PLEKHM2: variants seen among roughly 807,000 people sequenced by gnomAD.
The protein encoded by PLEKHM2 is pleckstrin homology and RUN domain containing M2.
In PLEKHM2, 77 loss-of-function variants were observed where a neutral mutation model predicts 116.3. The ratio of observed to expected loss-of-function variants is 0.66; its 90% confidence interval spans 0.55 to 0.80. The LOEUF is 0.80. Among genes scored for constraint, PLEKHM2 ranks in the 30% least tolerant of loss-of-function variants. The pLI is 0.00. For missense variants in PLEKHM2, 1,183 were observed against 1,354.9 expected (o/e 0.87, Z 1.99); for synonymous variants, 562 against 571.0 (o/e 0.98, Z 0.22).
Position 15,731,965 on chromosome 1 carries a change from C to G in PLEKHM2, c.2542C>G (p.Arg848Gly). 1 of 1,612,154 alleles carries G rather than the reference C, an allele frequency of 6.2e-7. No individual in the cohort carries two copies. Among genetic ancestry groups the G allele is most frequent in the South Asian group, 1.1e-5 (1 of 91,014 alleles). ...CGCCTTCCAGGTCATTCTCTCCGACCGGCCCTGCCTGGAGCTAAGTGCCGA... is the reference window on the plus strand; with the variant it reads ...CGCCTTCCAGGTCATTCTCTCCGACGGGCCCTGCCTGGAGCTAAGTGCCGA... ...PHAFQVILSD[R>G]PCLELSAESE... The change falls in exon 17 of 20, where the codon CGG becomes GGG. Residue 848 changes from arginine (R) to glycine (G), a missense_variant. By Grantham distance (125) the Arg-to-Gly change is moderately radical. Around this residue, in one of 3 missense-constraint regions of PLEKHM2, gnomAD observed 594 missense variants for 720.1 expected, o/e 0.82. Coordinates refer to ENST00000375799, the MANE Select transcript of PLEKHM2 (RefSeq NM_015164.4).
At chr1:15,701,530 C>A (rs1424620208) in intron 1 of PLEKHM2, among the ~76,000 whole-genome samples, 1 of 152,166 alleles carries the variant, frequency 6.6e-6, no homozygotes, top group East Asian at 1.9e-4. Flanking sequence ...TGGCTCACGC[C>A]TGTAATCCCA....
chr1:15,734,050 C>A lies in PLEKHM2; in HGVS notation c.*116C>A. ...GCCTACAGTCCACCCCTGCCCTGGG[C>A]GGCAGAACCACCGAGTGTGGCTTAA... On this transcript the variant is annotated 3_prime_UTR_variant, in exon 20 of 20. Transcript: ENST00000375799. 1 of 1,186,772 alleles carries A rather than the reference C, an allele frequency of 8.4e-7. No homozygotes were observed. The highest frequency in any genetic ancestry group is 1.2e-6 in the Non-Finnish European group (1 of 867,996). 73.5% of individuals were successfully genotyped at this position (1,186,772 alleles called of 1,614,324 possible). A position where few individuals can be genotyped will look rare whatever the true frequency, so the allele number is the denominator to read the frequency against.
chr1:15,725,065 A>G (rs2068044261), intron 7 of PLEKHM2, among the ~76,000 whole-genome samples: 1 of 152,012 alleles, frequency 6.6e-6, no homozygotes, highest in South Asian at 2.1e-4. Context: ...CTTAACACAA[A>G]CTCAGCCAAA....
intron 6 of PLEKHM2, 117 bp downstream of exon 6, chr1:15,720,037 A>G: frequency 1.3e-6 from 1 of 783,170 alleles, no homozygotes; most frequent in Non-Finnish European, 2.0e-6. Flanking sequence ...TGAAATTTGC[A>G]ATTAAACAGG....
chr1:15,701,665 C>T (rs1641116196), intron 1 of PLEKHM2, among the ~76,000 whole-genome samples: 1 of 151,822 alleles, frequency 6.6e-6, no homozygotes, highest in Non-Finnish European at 1.5e-5. Flanking sequence ...GTGGCGGGCG[C>T]CTGTAGTCCC....
At chr1:15,683,452 G>T (rs756910995), upstream of PLEKHM2, among the ~76,000 whole-genome samples, 62 of 151,742 alleles carry the variant, frequency 4.1e-4, no homozygotes, top group Non-Finnish European at 1.2e-4. Flanking sequence ...GGGCCGGCGG[G>T]AGGGGGCCCA....
intron 7 of PLEKHM2, among the ~76,000 whole-genome samples, chr1:15,723,678 G>A (rs1175842822): frequency 6.6e-6 from 1 of 150,466 alleles, no homozygotes; most frequent in South Asian, 2.1e-4. Flanking sequence ...CCAGGAGGTC[G>A]AGGCTACAGT....
chr1:15,716,217 G>GGT lies in PLEKHM2; in HGVS notation c.61-17_61-16dup, dbSNP rs1571050078. ...CCTCTTAATCCATTTCTGATTTGGA[G>GGT]GTGTTTTTTTTTCTTTCAGTTGCAG... On this transcript the variant is annotated intron_variant, in intron 1 of 19. Transcript: ENST00000375799. 8 of 1,373,772 alleles carry GGT rather than the reference G, an allele frequency of 5.8e-6. No individual in the cohort carries two copies. The highest frequency in any genetic ancestry group is 8.1e-6 in the Non-Finnish European group (8 of 993,378). The allele number at this position is 1,373,772 out of a possible 1,614,324, so 85.1% of individuals were successfully genotyped here. A position where few individuals can be genotyped will look rare whatever the true frequency, so the allele number is the denominator to read the frequency against.
intron 19 of PLEKHM2, 72 bp downstream of exon 19, chr1:15,732,800 C>A: frequency 2.0e-6 from 2 of 1,020,050 alleles, no homozygotes; most frequent in Non-Finnish European, 2.9e-6. Flanking sequence ...GGGAGAGGAA[C>A]CCCTGCTGCT....
chr1:15,721,774 C>T lies in PLEKHM2; in HGVS notation c.712+386C>T, dbSNP rs150189069. On this transcript the variant is annotated intron_variant, in intron 7 of 19. Transcript: ENST00000375799. The surrounding 1 kb of genome is among the most constrained non-coding windows in gnomAD (Gnocchi z 5.1). ...TAAACATGCGGGTTGTAAGCTCCTG[C>T]GGGTCAGATGAGCATCGAAGAGAAA... 2.0e-5 allele frequency among the ~76,000 whole-genome samples: 3 copies of T among 152,290 alleles called. No individual in the cohort carries two copies. The highest frequency in any genetic ancestry group is 6.5e-5 in the Admixed American group (1 of 15,306).
At chr1:15,684,842 G>A (rs1039578201) in intron 1 of PLEKHM2, among the ~76,000 whole-genome samples, 1 of 151,920 alleles carries the variant, frequency 6.6e-6, no homozygotes, top group South Asian at 2.1e-4. Context: ...CAGCATCCTC[G>A]GAGCTTCCCC....
chr1:15,723,021 G>A (rs2068015710), intron 7 of PLEKHM2: 1 of 152,142 alleles, frequency 6.6e-6, no homozygotes, highest in South Asian at 2.1e-4. Flanking sequence ...GGATTCCTGA[G>A]CTCACTCTGG....
chr1:15,729,754 C>T lies in PLEKHM2; in HGVS notation c.2076-43C>T. ...AGACTAAGCCCTGTCCAGTTGAGGC[C>T]CTGTTCCCAGGCCTCTAACCACAAA... On this transcript the variant is annotated intron_variant, in intron 13 of 19. Transcript: ENST00000375799. This position sits in a 1 kb window ranked among gnomAD's most constrained non-coding sequence, Gnocchi z 4.7. 3 of 1,572,326 alleles carry T rather than the reference C, an allele frequency of 1.9e-6. No homozygotes were observed. The highest frequency in any genetic ancestry group is 2.2e-5 in the East Asian group (1 of 44,600).
In PLEKHM2 at chr1:15,721,037, C is replaced by A; in HGVS notation, c.653-292C>A. ...GGCACGTAAGAGGTAGAAAACAAAG[C>A]TAGGCACAGGCAGCCAGGCTTCTCT... On this transcript the variant is annotated intron_variant, in intron 6 of 19. Coordinates refer to ENST00000375799, the MANE Select transcript of PLEKHM2 (RefSeq NM_015164.4). This position sits in a 1 kb window ranked among gnomAD's most constrained non-coding sequence, Gnocchi z 5.1. 2.7e-6 allele frequency: 1 copy of A among 374,066 alleles called. No homozygotes were observed. Among genetic ancestry groups the A allele is most frequent in the Non-Finnish European group, 4.8e-6 (1 of 208,016 alleles). The allele number at this position is 374,066 out of a possible 1,614,324, so 23.2% of individuals were successfully genotyped here. A position where few individuals can be genotyped will look rare whatever the true frequency, so the allele number is the denominator to read the frequency against.
intron 8 of PLEKHM2, 172 bp downstream of exon 8, chr1:15,725,717 C>A: frequency 1.7e-6 from 1 of 604,300 alleles, no homozygotes; most frequent in Non-Finnish European, 2.9e-6. Flanking sequence ...GAAGTGGAGG[C>A]CTGTCCTAGT....
intron 1 of PLEKHM2, among the ~76,000 whole-genome samples, chr1:15,693,349 G>A (rs1038531259): frequency 7.9e-5 from 12 of 152,150 alleles, no homozygotes; most frequent in East Asian, 1.9e-4. Context: ...ACCCATGCCC[G>A]TTCACTTTTA....
chr1:15,691,044 G>C (rs1465025758), intron 1 of PLEKHM2, among the ~76,000 whole-genome samples: 1 of 152,186 alleles, frequency 6.6e-6, no homozygotes, highest in South Asian at 2.1e-4. Flanking sequence ...CACTGAGTAG[G>C]ATAAGAGAAT....
chr1:15,722,439 T>A (rs1382957702), intron 7 of PLEKHM2, among the ~76,000 whole-genome samples: 1 of 152,172 alleles, frequency 6.6e-6, no homozygotes, highest in Non-Finnish European at 1.5e-5. Flanking sequence ...CCACTGCACC[T>A]GGTCCAAATC....
Position 15,725,559 on chromosome 1 carries a change from G to A in PLEKHM2, c.941+14G>A, listed in dbSNP as rs1342601021. ...CGAGGTCATCAGGTCAGCAGGGAGG[G>A]GCCCAGAAAGGAGCTGAGGTCCTGG... is the stretch of plus-strand genomic sequence containing the variant. On this transcript the variant is annotated intron_variant, in intron 8 of 19. Transcript: ENST00000375799. 3 of 1,539,318 alleles carry A rather than the reference G, an allele frequency of 1.9e-6. No homozygotes were observed. Among genetic ancestry groups the A allele is most frequent in the Admixed American group, 1.9e-5 (1 of 51,368 alleles).
Sources: gnomAD v4.1 joint callset for allele counts (sites outside exome capture counted in the v4.1 genomes callset) on GRCh38, gnomAD v4.1.1 for gene constraint, gnomAD v4.1.1 regional missense constraint, Gnocchi (gnomAD v3.1) non-coding constraint, MANE v1.5 for transcripts, NCBI Gene and HGNC (gene_info 2026-07-23, HGNC 2026-07-21) for gene names.